Variants in MEI1 observed in about 807,000 individuals in gnomAD.
MEI1 encodes meiotic double-stranded break formation protein 1.
In MEI1, 103 loss-of-function variants were observed where a neutral mutation model predicts 146.2. That is an observed-to-expected ratio of 0.70 (90% CI 0.60 to 0.83). MEI1 has a LOEUF of 0.83. Ranked by LOEUF, MEI1 falls within the 40% of genes least tolerant of loss-of-function variation. MEI1 has a pLI of 0.00. For missense variants in MEI1, 1,529 were observed against 1,533.0 expected (o/e 1.00, Z 0.04); for synonymous variants, 652 against 628.2 (o/e 1.04, Z -0.57).
intron 19 of MEI1, chr22:41,767,548 C>CTTA (rs2074935337): frequency 2.2e-6 from 1 of 455,822 alleles, no homozygotes; most frequent in Non-Finnish European, 4.4e-6. Context: ...TCAGGCCTTA[C>CTTA]TTATGCCTGG....
chr22:41,727,139 C>T (rs1415202935), intron 7 of MEI1, among the ~76,000 whole-genome samples: 1 of 151,964 alleles, frequency 6.6e-6, no homozygotes, highest in Non-Finnish European at 1.5e-5. Context: ...CTTGTAAGTC[C>T]AATATGGCTG....
intron 14 of MEI1, 145 bp from the exon 15 acceptor site, chr22:41,747,962 T>C (rs2073455147): frequency 3.2e-6 from 2 of 625,044 alleles, no homozygotes; most frequent in Non-Finnish European, 5.8e-6. Context: ...AAGCCTTAGA[T>C]GTAGGTTTGG....
chr22:41,792,175 T>A (rs2076203658), intron 26 of MEI1, among the ~76,000 whole-genome samples: 1 of 152,220 alleles, frequency 6.6e-6, no homozygotes, highest in Non-Finnish European at 1.5e-5. Context: ...TAAAAACTGG[T>A]GTCAAGGGAG....
At position 41,784,245 on chromosome 22, in the gene MEI1, T is replaced by TGG. The variant is rs1220529506; in HGVS notation, c.3088-89_3088-88dup. Reference sequence around the variant, plus strand: ...GTCCCCTTTTGATGCAGTGGATATGTGGGGGGAGGTGATAGAAGAGATTTT... The same window carrying TGG: ...GTCCCCTTTTGATGCAGTGGATATGTGGGGGGGGAGGTGATAGAAGAGATTTT... On this transcript the variant is annotated intron_variant, in intron 24 of 30. Transcript: ENST00000401548. The TGG allele has an allele frequency of 2.8e-6, 3 of 1,069,508 alleles. No individual in the cohort carries two copies. The African/African-American group carries it at 4.7e-5, about 17-fold the overall frequency. The allele number at this position is 1,069,508 out of a possible 1,614,324, so 66.3% of individuals were successfully genotyped here. A position where few individuals can be genotyped will look rare whatever the true frequency, so the allele number is the denominator to read the frequency against.
At chr22:41,799,155 C>T in intron 30 of MEI1, 99 bp from the exon 31 acceptor site, 4 of 1,140,672 alleles carry the variant, frequency 3.5e-6, no homozygotes, top group Middle Eastern at 4.2e-4. Flanking sequence ...CACTTCTGTT[C>T]TTGCCTGACC....
intron 26 of MEI1, 41 bp from the exon 27 acceptor site, chr22:41,793,788 G>T: frequency 6.5e-7 from 1 of 1,531,170 alleles, no homozygotes; most frequent in Non-Finnish European, 8.8e-7. Flanking sequence ...AAAGCCATTG[G>T]TAGCAAAACC....
intron 11 of MEI1, among the ~76,000 whole-genome samples, chr22:41,738,543 T>G (rs2072582223): frequency 6.6e-6 from 1 of 151,008 alleles, no homozygotes; most frequent in African/African-American, 2.4e-5. Context: ...GCCGAGATCA[T>G]GCCACTGCAC....
At chr22:41,727,538 A>C (rs2071464847) in intron 7 of MEI1, among the ~76,000 whole-genome samples, 1 of 152,124 alleles carries the variant, frequency 6.6e-6, no homozygotes, top group African/African-American at 2.4e-5. Context: ...GGCTGACCTG[A>C]GTTTGTGCCT....
rs781399108 is a variant in MEI1 at position 41,716,024 on chromosome 22, A to T, written c.424-17A>T. On this transcript the variant is annotated splice_polypyrimidine_tract_variant and intron_variant, in intron 4 of 30. Transcript: ENST00000401548. ...CTGATCCTAATTGACAGAATGGAGC[A>T]TATTCACTTTCTGTAGCTGTGTAAC... is the stretch of plus-strand genomic sequence containing the variant. 79 of 1,571,326 alleles carry T rather than the reference A, an allele frequency of 5.0e-5. No individual in the cohort carries two copies. Among genetic ancestry groups the T allele is most frequent in the Non-Finnish European group, 6.3e-5 (72 of 1,149,384 alleles).
intron 11 of MEI1, among the ~76,000 whole-genome samples, chr22:41,734,051 C>T (rs891131633): frequency 2.0e-5 from 3 of 151,874 alleles, no homozygotes; most frequent in Non-Finnish European, 1.5e-5. Flanking sequence ...TTGCTTGAAC[C>T]TGGGAGGCGG....
intron 11 of MEI1, 63 bp from the exon 12 acceptor site, chr22:41,743,017 C>T: frequency 8.6e-7 from 1 of 1,168,286 alleles, no homozygotes. Context: ...GCCTGAGAAC[C>T]TGGGGTTATC....
Position 41,727,092 on chromosome 22 carries a change from A to G in MEI1, c.865-2573A>G, listed in dbSNP as rs551397418. The stretch of plus-strand genomic sequence containing the variant: ...TCTGGCTTTTTTTTTTCTTTTCCTG[A>G]TAAGTCTGACAAGTAGGAAGGCTGT... On this transcript the variant is annotated intron_variant, in intron 7 of 30. Transcript: ENST00000401548. 2.0e-4 allele frequency among the ~76,000 whole-genome samples: 31 copies of G among 151,534 alleles called. No individual in the cohort carries two copies. The South Asian group carries it at 6.4e-3, about 32-fold the overall frequency.
intron 24 of MEI1, among the ~76,000 whole-genome samples, chr22:41,782,249 G>C (rs930751947): frequency 6.6e-6 from 1 of 152,200 alleles, no homozygotes; most frequent in Admixed American, 6.5e-5. Context: ...TTCAGGACAT[G>C]CTCTGTATAT....
At chr22:41,710,214 C>T (rs1332234118) in intron 3 of MEI1, among the ~76,000 whole-genome samples, 1 of 152,142 alleles carries the variant, frequency 6.6e-6, no homozygotes, top group Non-Finnish European at 1.5e-5. Flanking sequence ...AGGTAGCCGT[C>T]TGCAAGCCAG....
chr22:41,710,090 G>A (rs576357798), intron 3 of MEI1, among the ~76,000 whole-genome samples: 2 of 152,022 alleles, frequency 1.3e-5, no homozygotes, highest in African/African-American at 4.8e-5. Context: ...CAATTAGGAT[G>A]GACCCTAATC....
intron 16 of MEI1, among the ~76,000 whole-genome samples, chr22:41,753,268 CTGG>C (rs1445680060): frequency 2.0e-5 from 3 of 152,016 alleles, no homozygotes; most frequent in Admixed American, 1.3e-4. Flanking sequence ...TCCCAGAGTG[CTGG>C]GATTACAGGC....
In MEI1 at chr22:41,746,029, G is replaced by A. The variant is rs1411914712; in HGVS notation, c.1680+3G>A. 6.3e-7 allele frequency: 1 copy of A among 1,585,554 alleles called. No individual in the cohort carries two copies. Among genetic ancestry groups the A allele is most frequent in the Admixed American group, 1.8e-5 (1 of 55,638 alleles). On this transcript the variant is annotated splice_donor_region_variant and intron_variant, in intron 14 of 30. Coordinates refer to ENST00000401548, the MANE Select transcript of MEI1 (RefSeq NM_152513.4). ...CGCTGTGTATCCCCATGGTGATGGT[G>A]GGTTCTCCTGAGCCACGGGCAACAT... is the stretch of plus-strand genomic sequence containing the variant.
rs1382549223 is a variant in MEI1 at position 41,758,307 on chromosome 22, T to A, written c.1952-58T>A. On this transcript the variant is annotated intron_variant, in intron 17 of 30. Coordinates refer to ENST00000401548, the MANE Select transcript of MEI1 (RefSeq NM_152513.4). The stretch of plus-strand genomic sequence containing the variant: ...CTGCATGTAGTAGGTACTAATGTGC[T>A]GATTACCTGTTCTTCTATGTTCTCT... 1.9e-6 allele frequency: 3 copies of A among 1,539,416 alleles called. No homozygotes were observed. The African/African-American group carries it at 4.1e-5, about 21-fold the overall frequency.
chr22:41,766,942 G>C (rs560362014), intron 19 of MEI1, among the ~76,000 whole-genome samples: 44 of 152,310 alleles, frequency 2.9e-4, no homozygotes, highest in African/African-American at 8.2e-4. Flanking sequence ...AAAGAGTTTA[G>C]AAGGCAGAAC....
Sources: allele counts gnomAD v4.1 joint callset (sites outside exome capture counted in the v4.1 genomes callset), GRCh38; gene constraint gnomAD v4.1.1; transcripts MANE v1.5; gene names NCBI Gene and HGNC (gene_info 2026-07-23, HGNC 2026-07-21).